Variants in MFN1 observed in about 807,000 individuals in gnomAD.
MFN1 encodes the protein mitofusin 1, also known as mitofusin-1.
A neutral mutation model predicts 92.4 loss-of-function variants in MFN1; 65 were observed. The ratio of observed to expected loss-of-function variants is 0.70; its 90% confidence interval spans 0.58 to 0.86. The LOEUF is 0.86. Among genes scored for constraint, MFN1 ranks in the 40% least tolerant of loss-of-function variants. MFN1 has a pLI of 0.00. For missense variants in MFN1, 781 were observed against 868.0 expected (o/e 0.90, Z 1.26); for synonymous variants, 297 against 300.9 (o/e 0.99, Z 0.13).
At chr3:179,361,315 C>T (rs966072170) in intron 4 of MFN1, among the ~76,000 whole-genome samples, 1 of 152,144 alleles carries the variant, frequency 6.6e-6, no homozygotes, top group East Asian at 1.9e-4. Context: ...TTTTCCTCCT[C>T]CTTATTTTAG....
Position 179,377,750 on chromosome 3 carries a change from A to C in MFN1, c.1329+302A>C, listed in dbSNP as rs370759715. Among the ~76,000 whole-genome samples the C allele has an allele frequency of 4.3e-4, 65 of 152,316 alleles. 1 individual carries two copies. Among genetic ancestry groups the C allele is most frequent in the African/African-American group, 1.4e-3 (57 of 41,574 alleles). On this transcript the variant is annotated intron_variant, in intron 12 of 17. Coordinates refer to ENST00000471841, the MANE Select transcript of MFN1 (RefSeq NM_033540.3). Reference sequence around the variant, plus strand: ...AGAGTTCGAGACCAGCCTGGGCAACACAGTGAGAACTCTAATCTACAAAAA... The same window carrying C: ...AGAGTTCGAGACCAGCCTGGGCAACCCAGTGAGAACTCTAATCTACAAAAA...
At chr3:179,359,164 A>C (rs1712466564) in intron 4 of MFN1, among the ~76,000 whole-genome samples, 162 bp downstream of exon 4, 1 of 151,852 alleles carries the variant, frequency 6.6e-6, no homozygotes, top group African/African-American at 2.4e-5. Flanking sequence ...CTTGTCGCCC[A>C]GGCTGGAGTG....
At chr3:179,364,899 C>T (rs1190576339) in intron 6 of MFN1, among the ~76,000 whole-genome samples, 1 of 152,090 alleles carries the variant, frequency 6.6e-6, no homozygotes, top group Non-Finnish European at 1.5e-5. Flanking sequence ...ATAAACTTTC[C>T]AGAGTTTAGG....
At chr3:179,361,123 GAA>G (rs1432578791) in intron 4 of MFN1, among the ~76,000 whole-genome samples, 1 of 152,096 alleles carries the variant, frequency 6.6e-6, no homozygotes, top group African/African-American at 2.4e-5. Flanking sequence ...GAAAAGAAAA[GAA>G]AATACTAATC....
intron 9 of MFN1, among the ~76,000 whole-genome samples, chr3:179,374,304 TATATATATA>T (rs1713136474): frequency 1.5e-5 from 1 of 67,496 alleles, no homozygotes; most frequent in Non-Finnish European, 2.6e-5. Flanking sequence ...CTGTCAAAAA[TATATATATA>T]ACATATATAA....
chr3:179,350,645 A>G (rs1207535780), intron 2 of MFN1, among the ~76,000 whole-genome samples: 4 of 152,202 alleles, frequency 2.6e-5, no homozygotes, highest in African/African-American at 9.7e-5. Context: ...AGAAAAACAT[A>G]CAAGAGCAAA....
At chr3:179,390,731 A>G (rs1172675889) in intron 17 of MFN1, among the ~76,000 whole-genome samples, 2 of 152,174 alleles carry the variant, frequency 1.3e-5, no homozygotes, top group African/African-American at 4.8e-5. Context: ...TTGCTTACCC[A>G]TTAGCTGGCT....
chr3:179,372,658 T>G (rs1482503995), intron 9 of MFN1, among the ~76,000 whole-genome samples: 1 of 152,210 alleles, frequency 6.6e-6, no homozygotes, highest in Non-Finnish European at 1.5e-5. Context: ...TTATATATTT[T>G]TGAATCAGAC....
intron 5 of MFN1, among the ~76,000 whole-genome samples, chr3:179,363,509 G>A (rs932306083): frequency 3.4e-5 from 5 of 149,202 alleles, no homozygotes; most frequent in East Asian, 1.9e-4. Context: ...TTTTTTTTTC[G>A]GAGGCAGGGT....
In MFN1 at chr3:179,392,188, T is replaced by C; in HGVS notation, c.*129T>C. ...TGTACCTAAATAGCAAAGCCCTGTGTAGATTCTGGTAATGATCTGTCTCAG... is the reference window on the plus strand; with the variant it reads ...TGTACCTAAATAGCAAAGCCCTGTGCAGATTCTGGTAATGATCTGTCTCAG... On this transcript the variant is annotated 3_prime_UTR_variant, in exon 18 of 18. Coordinates refer to ENST00000471841, the MANE Select transcript of MFN1 (RefSeq NM_033540.3). 1 of 614,010 alleles carries C rather than the reference T, an allele frequency of 1.6e-6. No homozygotes were observed. Among genetic ancestry groups the C allele is most frequent in the Non-Finnish European group, 2.9e-6 (1 of 344,084 alleles). The allele number at this position is 614,010 out of a possible 1,614,324, so 38.0% of individuals were successfully genotyped here.
intron 9 of MFN1, among the ~76,000 whole-genome samples, chr3:179,373,968 C>T (rs565824661): frequency 7.9e-5 from 12 of 151,778 alleles, no homozygotes; most frequent in Admixed American, 2.0e-4. Flanking sequence ...CCACCACGCC[C>T]GGCCCAATTT....
At chr3:179,373,863 T>G (rs1247262240) in intron 9 of MFN1, among the ~76,000 whole-genome samples, 1 of 151,872 alleles carries the variant, frequency 6.6e-6, no homozygotes, top group Non-Finnish European at 1.5e-5. Flanking sequence ...TTAGTAGAGA[T>G]GGGGTTTCAC....
At chr3:179,369,329 A>G (rs1428568898) in intron 9 of MFN1, among the ~76,000 whole-genome samples, 3 of 152,100 alleles carry the variant, frequency 2.0e-5, no homozygotes, top group African/African-American at 7.2e-5. Flanking sequence ...CTCCCACCTC[A>G]GCCTCCTCTC....
intron 16 of MFN1, among the ~76,000 whole-genome samples, chr3:179,387,895 A>AT (rs1343540997): frequency 4.0e-5 from 6 of 151,378 alleles, no homozygotes; most frequent in African/African-American, 1.5e-4. Flanking sequence ...CACCTGGCTA[A>AT]TTTTGTTTTG....
chr3:179,384,625 G>C (rs1340346670), intron 14 of MFN1, among the ~76,000 whole-genome samples: 1 of 152,120 alleles, frequency 6.6e-6, no homozygotes, highest in Non-Finnish European at 1.5e-5. Context: ...GAGTATGGTG[G>C]TGTGATCACA....
chr3:179,367,678 A>G (rs1221948361), intron 8 of MFN1, 86 bp downstream of exon 8: 5 of 1,214,696 alleles, frequency 4.1e-6, no homozygotes, highest in Non-Finnish European at 5.5e-6. Flanking sequence ...TAATCCCAGC[A>G]CTTTGGAAGG....
At chr3:179,359,815 T>A (rs923781108) in intron 4 of MFN1, 1 of 151,990 alleles carries the variant, frequency 6.6e-6, no homozygotes, top group Admixed American at 6.6e-5. Flanking sequence ...TTTTTTCACT[T>A]CATAACTAAA....
intron 14 of MFN1, among the ~76,000 whole-genome samples, chr3:179,379,015 GT>G (rs1401615847): frequency 6.6e-6 from 1 of 152,152 alleles, no homozygotes; most frequent in Non-Finnish European, 1.5e-5. Context: ...AACTTTTTGA[GT>G]ACGGTGACAC....
At position 179,370,392 on chromosome 3, in the gene MFN1, C is replaced by CTTTTTTTTTTTTT. The variant is rs34938438; in HGVS notation, c.975+2300_975+2312dup. 2.0e-4 allele frequency among the ~76,000 whole-genome samples: 18 copies of CTTTTTTTTTTTTT among 88,076 alleles called. 2 individuals carry two copies. Among genetic ancestry groups the CTTTTTTTTTTTTT allele is most frequent in the East Asian group, 4.0e-4 (1 of 2,518 alleles). The allele number at this position is 88,076 out of a possible 152,430, so 57.8% of individuals were successfully genotyped here. On this transcript the variant is annotated intron_variant, in intron 9 of 17. Transcript: ENST00000471841. ...TTTTTGGGGTTTCATTCACTAAGTTCTTTTTTTTTTTTTTTTTTTTTTTGA... is the reference window on the plus strand; with the variant it reads ...TTTTTGGGGTTTCATTCACTAAGTTCTTTTTTTTTTTTTTTTTTTTTTTTTTTTTTTTTTTTGA...
Sources: allele counts gnomAD v4.1 joint callset (sites outside exome capture counted in the v4.1 genomes callset), GRCh38; gene constraint gnomAD v4.1.1; transcripts MANE v1.5; gene names NCBI Gene and HGNC (gene_info 2026-07-23, HGNC 2026-07-21).